Variants in GNG2 observed in about 807,000 individuals in gnomAD.
GNG2 encodes the protein guanine nucleotide-binding protein G(I)/G(S)/G(O) subunit gamma-2.
GNG2 carries 5 observed loss-of-function variants against 5.5 expected under a neutral mutation model. The ratio of observed to expected loss-of-function variants is 0.91; its 90% confidence interval spans 0.48 to 1.92. The LOEUF (loss-of-function observed/expected upper bound fraction) is 1.92, where lower values mean the gene tolerates loss of function less well. Ranked by LOEUF, GNG2 falls within the 30% of genes most tolerant of loss-of-function variation. GNG2 has a pLI of 0.01. For synonymous variants in GNG2, 28 were observed against 32.0 expected (o/e 0.88, Z 0.42); for missense variants, 55 against 88.4 (o/e 0.62, Z 1.52).
At chr14:51,877,343 C>G (rs1217901970) in intron 1 of GNG2, among the ~76,000 whole-genome samples, 1 of 152,124 alleles carries the variant, frequency 6.6e-6, no homozygotes, top group Admixed American at 6.5e-5. Flanking sequence ...TCCTAAGTGG[C>G]CTTTGTGTTT....
chr14:51,880,982 A>AAC (rs1555351040), intron 2 of GNG2, among the ~76,000 whole-genome samples: 8 of 150,854 alleles, frequency 5.3e-5, no homozygotes, highest in South Asian at 4.2e-4. Context: ...AAAAAAAAAA[A>AAC]AAAAAACCCT....
At chr14:51,858,825 G>C (rs913022858), upstream of GNG2, among the ~76,000 whole-genome samples, 1 of 152,174 alleles carries the variant, frequency 6.6e-6, no homozygotes, top group South Asian at 2.1e-4. Flanking sequence ...ATCAAAGCTA[G>C]TTGCTCATTT....
chr14:51,931,778 G>A (rs183383942), intron 2 of GNG2, among the ~76,000 whole-genome samples: 5 of 152,118 alleles, frequency 3.3e-5, no homozygotes, highest in East Asian at 1.9e-4. Context: ...CAGTATGGAG[G>A]TTCCTCAAAA....
chr14:51,941,379 G>A (rs1160445155), intron 2 of GNG2, among the ~76,000 whole-genome samples: 4 of 152,188 alleles, frequency 2.6e-5, no homozygotes, highest in Non-Finnish European at 5.9e-5. Context: ...AAGTGACTGA[G>A]AGACTATAAA....
intron 2 of GNG2, among the ~76,000 whole-genome samples, chr14:51,880,821 AT>A (rs1365835340): frequency 6.6e-6 from 1 of 152,164 alleles, no homozygotes; most frequent in African/African-American, 2.4e-5. Context: ...ACATTGATGC[AT>A]TGTTAAAATA....
intron 2 of GNG2, among the ~76,000 whole-genome samples, chr14:51,936,242 C>T (rs987649341): frequency 6.6e-6 from 1 of 152,180 alleles, no homozygotes; most frequent in Non-Finnish European, 1.5e-5. Flanking sequence ...CAAGATACTT[C>T]TGGGTCCTGC....
rs566177514 is a variant in GNG2, at chr14:51,917,961, GGTTGCACTGCGCCGAGATC to G, written c.-29-32686_-29-32668del. 4.2e-4 allele frequency among the ~76,000 whole-genome samples: 64 copies of G among 151,646 alleles called. No individual in the cohort carries two copies. In the East Asian group the frequency reaches 9.1e-3, roughly 22 times the overall value. ...GAATTGCTTGAACTTGGAAAGTGGA[GGTTGCACTGCGCCGAGATC>G]GTGTCACTGCACTCTAGTCTGGGCA... On this transcript the variant is annotated intron_variant, in intron 2 of 3. Coordinates refer to ENST00000556766, the MANE Select transcript of GNG2 (RefSeq NM_053064.5).
intron 2 of GNG2, among the ~76,000 whole-genome samples, chr14:51,854,294 C>A (rs1234250514): frequency 6.6e-6 from 1 of 152,136 alleles, no homozygotes. Context: ...TTTCACCTGA[C>A]CCCAGTCAAT....
At chr14:51,920,259 G>A (rs1356682295) in intron 2 of GNG2, among the ~76,000 whole-genome samples, 1 of 152,078 alleles carries the variant, frequency 6.6e-6, no homozygotes, top group African/African-American at 2.4e-5. Flanking sequence ...CCAATCCCCT[G>A]AAGATATCAA....
intron 1 of GNG2, among the ~76,000 whole-genome samples, chr14:51,867,028 G>A (rs964907654): frequency 1.8e-4 from 27 of 151,706 alleles, no homozygotes; most frequent in Non-Finnish European, 1.5e-5. Context: ...CTCTTTCTTG[G>A]TCCTTTCCTC....
At chr14:51,830,999 A>G (rs141450096) in intron 2 of GNG2, among the ~76,000 whole-genome samples, 9 of 152,290 alleles carry the variant, frequency 5.9e-5, no homozygotes, top group African/African-American at 2.2e-4. Flanking sequence ...TCCTTTGCTC[A>G]TGCCACATGA....
intron 2 of GNG2, among the ~76,000 whole-genome samples, chr14:51,832,133 A>G (rs890487005): frequency 1.4e-5 from 2 of 139,742 alleles, no homozygotes; most frequent in African/African-American, 2.9e-5. Flanking sequence ...TACAAAAATT[A>G]GTCGGGCATG....
chr14:51,925,045 C>T (rs1302787611), intron 2 of GNG2, among the ~76,000 whole-genome samples: 1 of 152,132 alleles, frequency 6.6e-6, no homozygotes, highest in Non-Finnish European at 1.5e-5. Context: ...TTCCAGTGTT[C>T]CATAGCACTG....
intron 2 of GNG2, among the ~76,000 whole-genome samples, chr14:51,837,588 A>G (rs980247999): frequency 6.6e-6 from 1 of 151,530 alleles, no homozygotes; most frequent in Non-Finnish European, 1.5e-5. Context: ...CAGAGGCCGC[A>G]GTGAGCTGAG....
intron 2 of GNG2, among the ~76,000 whole-genome samples, chr14:51,930,032 C>T (rs1352947910): frequency 6.6e-6 from 1 of 152,188 alleles, no homozygotes. Flanking sequence ...AATCACCACT[C>T]CCTCTCTGTA....
intron 2 of GNG2, among the ~76,000 whole-genome samples, chr14:51,883,914 C>T (rs1175502841): frequency 3.3e-5 from 5 of 151,562 alleles, no homozygotes; most frequent in Non-Finnish European, 7.4e-5. Context: ...TTTTTTTAAT[C>T]ATGAAAGAAA....
At chr14:51,933,323 G>A (rs573425779) in intron 2 of GNG2, among the ~76,000 whole-genome samples, 3 of 152,260 alleles carry the variant, frequency 2.0e-5, no homozygotes, top group Admixed American at 2.0e-4. Context: ...GACAAATGTC[G>A]TTGCAGGAAA....
chr14:51,910,950 A>G (rs1016055650), intron 2 of GNG2, among the ~76,000 whole-genome samples: 5 of 152,274 alleles, frequency 3.3e-5, no homozygotes, highest in Admixed American at 3.3e-4. Context: ...AGAACAACCT[A>G]CTTTCCTCCC....
intron 1 of GNG2, among the ~76,000 whole-genome samples, chr14:51,871,453 G>T (rs1326953876): frequency 6.6e-6 from 1 of 152,006 alleles, no homozygotes; most frequent in East Asian, 1.9e-4. Context: ...AAAGGACATT[G>T]GTTTAGAGTC....
Sources: allele counts gnomAD v4.1 joint callset (sites outside exome capture counted in the v4.1 genomes callset), GRCh38; gene constraint gnomAD v4.1.1; transcripts MANE v1.5; gene names NCBI Gene and HGNC (gene_info 2026-07-23, HGNC 2026-07-21).